Variants in PACSIN2 observed in about 807,000 individuals in gnomAD.
PACSIN2 encodes the protein protein kinase C and casein kinase substrate in neurons 2.
PACSIN2 carries 25 observed loss-of-function variants against 63.8 expected under a neutral mutation model. The ratio of observed to expected loss-of-function variants is 0.39; its 90% CI spans 0.29 to 0.55. PACSIN2 has a LOEUF of 0.55. Ranked by LOEUF, PACSIN2 falls within the 20% of genes least tolerant of loss-of-function variation. The probability of loss-of-function intolerance (pLI) is 0.62; values close to 1 mark genes in which losing one functional copy is unlikely to be tolerated. For synonymous variants in PACSIN2, 255 were observed against 256.2 expected (o/e 1.00, Z 0.05); for missense variants, 518 against 646.9 (o/e 0.80, Z 2.16).
At chr22:43,005,997 T>C (rs1173635662) in intron 1 of PACSIN2, among the ~76,000 whole-genome samples, 1 of 152,106 alleles carries the variant, frequency 6.6e-6, no homozygotes. Flanking sequence ...CTCACTATGT[T>C]ACCCAGGCTG....
intron 1 of PACSIN2, among the ~76,000 whole-genome samples, chr22:42,932,108 C>T (rs1490822803): frequency 1.3e-5 from 2 of 152,196 alleles, no homozygotes; most frequent in African/African-American, 2.4e-5. Context: ...CCTGCCTGCC[C>T]TTCCACCCAT....
In PACSIN2 at chr22:42,953,332, A is replaced by C. The variant is rs189869610; in HGVS notation, c.-77-41175T>G. On this transcript the variant is annotated intron_variant, in intron 1 of 10. Coordinates refer to ENST00000263246, the MANE Select transcript of PACSIN2 (RefSeq NM_001184970.3). ...AATGCAATGGAAAATGGGCATGATGAAATGCAATCAAAACAAAAGAGAGAA... is the reference window on the plus strand; with the variant it reads ...AATGCAATGGAAAATGGGCATGATGCAATGCAATCAAAACAAAAGAGAGAA... Among the ~76,000 whole-genome samples the C allele has an allele frequency of 3.1e-3, 470 of 152,366 alleles. 3 individuals carry two copies. Among genetic ancestry groups the C allele is most frequent in the African/African-American group, 0.011 (463 of 41,584 alleles).
At chr22:42,952,499 T>G (rs1054999794) in intron 1 of PACSIN2, among the ~76,000 whole-genome samples, 1 of 150,492 alleles carries the variant, frequency 6.6e-6, no homozygotes, top group African/African-American at 2.5e-5. Context: ...GCTGGGACTT[T>G]AGGCGCGCAC....
At chr22:42,982,888 A>ACAAAAAAAAAAAAAAC (rs1555943704) in intron 1 of PACSIN2, among the ~76,000 whole-genome samples, 2 of 105,158 alleles carry the variant, frequency 1.9e-5, no homozygotes, top group Non-Finnish European at 4.2e-5. Flanking sequence ...AAAAAAAAAA[A>ACAAAAAAAAAAAAAAC]AACAACAACA....
chr22:42,917,572 G>A (rs1931894179), intron 1 of PACSIN2, among the ~76,000 whole-genome samples: 1 of 152,016 alleles, frequency 6.6e-6, no homozygotes, highest in Non-Finnish European at 1.5e-5. Context: ...CTATTATTGT[G>A]CCACTGCACT....
At chr22:42,928,990 A>G (rs938227233) in intron 1 of PACSIN2, among the ~76,000 whole-genome samples, 22 of 152,242 alleles carry the variant, frequency 1.4e-4, no homozygotes, top group Admixed American at 9.8e-4. Flanking sequence ...TGAGTTTAAA[A>G]TGTTTTAAGA....
At chr22:42,901,457 C>G (rs908848800) in intron 2 of PACSIN2, among the ~76,000 whole-genome samples, 23 of 152,238 alleles carry the variant, frequency 1.5e-4, no homozygotes, top group African/African-American at 5.3e-4. Flanking sequence ...AACAAGACCT[C>G]CTTCCCTTCA....
At chr22:42,905,089 T>C (rs903265457) in intron 2 of PACSIN2, among the ~76,000 whole-genome samples, 2 of 152,238 alleles carry the variant, frequency 1.3e-5, no homozygotes, top group African/African-American at 4.8e-5. Flanking sequence ...TTTATCTTCA[T>C]CTACAGAAAT....
chr22:42,890,413 C>A (rs1929820621), intron 4 of PACSIN2, among the ~76,000 whole-genome samples: 1 of 152,164 alleles, frequency 6.6e-6, no homozygotes, highest in Non-Finnish European at 1.5e-5. Flanking sequence ...TCCTCAGTTA[C>A]CAAATCTGTA....
At chr22:42,938,231 A>G (rs553485684) in intron 1 of PACSIN2, among the ~76,000 whole-genome samples, 66 of 152,342 alleles carry the variant, frequency 4.3e-4, no homozygotes, top group Admixed American at 6.5e-4. Context: ...GAAGCAGCAG[A>G]AGGTATGAAT....
chr22:42,872,017 T>C (rs1928184956), intron 10 of PACSIN2, among the ~76,000 whole-genome samples: 1 of 152,254 alleles, frequency 6.6e-6, no homozygotes, highest in African/African-American at 2.4e-5. Context: ...CGGTGCCATG[T>C]GTCAACCCTT....
chr22:43,012,386 GATGGGT>G (rs1262037267), intron 1 of PACSIN2, among the ~76,000 whole-genome samples: 1 of 151,826 alleles, frequency 6.6e-6, no homozygotes, highest in Non-Finnish European at 1.5e-5. Context: ...CAGAGATGTG[GATGGGT>G]ATCCAGGATT....
At chr22:42,999,186 C>T (rs775444937) in intron 1 of PACSIN2, among the ~76,000 whole-genome samples, 9 of 152,214 alleles carry the variant, frequency 5.9e-5, no homozygotes, top group Non-Finnish European at 8.8e-5. Flanking sequence ...GCTGTGGGGC[C>T]AGAGCCCAAA....
chr22:42,962,093 C>T (rs1325583500), intron 1 of PACSIN2, among the ~76,000 whole-genome samples: 1 of 152,120 alleles, frequency 6.6e-6, no homozygotes, highest in Non-Finnish European at 1.5e-5. Flanking sequence ...AGTTTGAGAC[C>T]AGCCTGGCCA....
At position 42,871,542 on chromosome 22, in the gene PACSIN2, A is replaced by T. The variant is rs1928129717; in HGVS notation, c.1349-73T>A. ...GGTGGGCTACAGAGCCGCATTCACG[A>T]GCTTTGAGCCCACAGAGGGTGGAGG... On this transcript the variant is annotated intron_variant, in intron 10 of 10. Coordinates refer to ENST00000263246, the MANE Select transcript of PACSIN2 (RefSeq NM_001184970.3). The surrounding 1 kb of genome is among the most constrained non-coding windows in gnomAD (Gnocchi z 5.4). 8.3e-7 allele frequency: 1 copy of T among 1,198,372 alleles called. No individual in the cohort carries two copies. Among genetic ancestry groups the T allele is most frequent in the Non-Finnish European group, 1.2e-6 (1 of 802,928 alleles). 74.2% of individuals were successfully genotyped at this position (1,198,372 alleles called of 1,614,324 possible). A position where few individuals can be genotyped will look rare whatever the true frequency, so the allele number is the denominator to read the frequency against.
intron 1 of PACSIN2, among the ~76,000 whole-genome samples, chr22:42,974,930 AG>A (rs1921587646): frequency 6.6e-6 from 1 of 152,096 alleles, no homozygotes; most frequent in Non-Finnish European, 1.5e-5. Context: ...GATGCAAGGC[AG>A]CCAGCTGGAG....
rs181887583 is a variant in PACSIN2, at chr22:42,929,654, C to G, written c.-77-17497G>C. ...ATACTAATCACACAGCTGGGGACAT[C>G]TTTCCAATTGTGTGACGTCTGCTCC... On this transcript the variant is annotated intron_variant, in intron 1 of 10. Coordinates refer to ENST00000263246, the MANE Select transcript of PACSIN2 (RefSeq NM_001184970.3). 2.6e-5 allele frequency among the ~76,000 whole-genome samples: 4 copies of G among 152,328 alleles called. No homozygotes were observed. The East Asian group carries it at 7.7e-4, about 29-fold the overall frequency.
rs573296996 is a variant in PACSIN2 at position 42,923,940 on chromosome 22, G to T, written c.-77-11783C>A. ...GCCTGTACTCCCAGCTACTCAGGGGGCTGAGGCAGGGGAACTGCTTGAGCC... is the reference window on the plus strand; with the variant it reads ...GCCTGTACTCCCAGCTACTCAGGGGTCTGAGGCAGGGGAACTGCTTGAGCC... On this transcript the variant is annotated intron_variant, in intron 1 of 10. Coordinates refer to ENST00000263246, the MANE Select transcript of PACSIN2 (RefSeq NM_001184970.3). Among the ~76,000 whole-genome samples, 4 of 152,258 alleles carry T rather than the reference G, an allele frequency of 2.6e-5. No homozygotes were observed. In the South Asian group the frequency reaches 6.2e-4, roughly 24 times the overall value.
At chr22:42,905,272 G>T (rs999056948) in intron 2 of PACSIN2, among the ~76,000 whole-genome samples, 5 of 152,266 alleles carry the variant, frequency 3.3e-5, no homozygotes, top group Admixed American at 6.5e-5. Flanking sequence ...AGAAGGAAAG[G>T]TGACCTCATT....
Sources: gnomAD v4.1 joint callset for allele counts (sites outside exome capture counted in the v4.1 genomes callset) on GRCh38, gnomAD v4.1.1 for gene constraint, Gnocchi (gnomAD v3.1) non-coding constraint, MANE v1.5 for transcripts, NCBI Gene and HGNC (gene_info 2026-07-23, HGNC 2026-07-21) for gene names.